The following ABTB3 variants were observed in gnomAD, a reference collection of about 807,000 sequenced individuals.
ABTB3 encodes ankyrin repeat and BTB domain containing 3, also known as ankyrin repeat- and BTB/POZ domain-containing protein 3.
the ABTB3 span, among the ~76,000 whole-genome samples, chr12:107,499,669 C>T: frequency 6.7e-6 from 1 of 149,456 alleles, no homozygotes; most frequent in African/African-American, 2.5e-5. Context: ...GGCAGGGGGA[C>T]TGCCAGACAC....
At chr12:107,573,421 T>G in the ABTB3 span, among the ~76,000 whole-genome samples, 1 of 151,336 alleles carries the variant, frequency 6.6e-6, no homozygotes, top group Non-Finnish European at 1.5e-5. Flanking sequence ...TGGATGGATG[T>G]GTGGGTGGAT....
At chr12:107,399,628 G>A in the ABTB3 span, among the ~76,000 whole-genome samples, 6,556 of 152,206 alleles carry the variant, frequency 0.043, 228 homozygotes, top group African/African-American at 0.095. Context: ...TAGCAGCTAC[G>A]ATTCTGTGTC....
chr12:107,511,353 A>G, the ABTB3 span, among the ~76,000 whole-genome samples: 7 of 152,232 alleles, frequency 4.6e-5, no homozygotes, highest in Admixed American at 2.0e-4. Flanking sequence ...GGCTTAAAAC[A>G]TCAACCATTT....
the ABTB3 span, among the ~76,000 whole-genome samples, chr12:107,445,897 TC>T: frequency 2.7e-5 from 2 of 73,878 alleles, no homozygotes; most frequent in East Asian, 4.9e-4. Flanking sequence ...CTCTCCCCTC[TC>T]CCCTCTCCCT....
the ABTB3 span, among the ~76,000 whole-genome samples, chr12:107,380,218 C>T: frequency 6.6e-6 from 1 of 152,084 alleles, no homozygotes; most frequent in East Asian, 1.9e-4. Flanking sequence ...GTTTTATCAC[C>T]GAAGATTATG....
At chr12:107,599,550 C>T in the ABTB3 span, among the ~76,000 whole-genome samples, 2 of 152,332 alleles carry the variant, frequency 1.3e-5, no homozygotes, top group Middle Eastern at 3.4e-3. Flanking sequence ...AGGCTGGCGA[C>T]TTGGTCCTTA....
chr12:107,473,112 T>C, the ABTB3 span, among the ~76,000 whole-genome samples: 1 of 152,310 alleles, frequency 6.6e-6, no homozygotes, highest in African/African-American at 2.4e-5. Flanking sequence ...TTTGCACCTT[T>C]TTCTCTTTTC....
chr12:107,547,722 G>T, the ABTB3 span, among the ~76,000 whole-genome samples: 2 of 152,154 alleles, frequency 1.3e-5, no homozygotes, highest in African/African-American at 2.4e-5. Flanking sequence ...CTTTAAATTT[G>T]AATCCCAGCT....
chr12:107,545,210 T>C, the ABTB3 span, among the ~76,000 whole-genome samples: 6 of 152,160 alleles, frequency 3.9e-5, no homozygotes, highest in Admixed American at 6.5e-5. Flanking sequence ...ACATAGGCTA[T>C]ACGGAGGTTG....
the ABTB3 span, among the ~76,000 whole-genome samples, chr12:107,652,205 G>A: frequency 5.3e-5 from 8 of 152,276 alleles, no homozygotes; most frequent in South Asian, 1.2e-3. Context: ...GGAACTTGTC[G>A]GAAAGGTACA....
chr12:107,419,624 C>T, the ABTB3 span, among the ~76,000 whole-genome samples: 1 of 152,172 alleles, frequency 6.6e-6, no homozygotes, highest in Non-Finnish European at 1.5e-5. Context: ...TGCTTAACCC[C>T]TCTGTGCCTT....
the ABTB3 span, among the ~76,000 whole-genome samples, chr12:107,529,331 G>A: frequency 2.1e-4 from 31 of 150,614 alleles, no homozygotes; most frequent in South Asian, 4.2e-4. Context: ...TGGTGATGGC[G>A]ATAATGATGG....
chr12:107,455,436 ATT>A, the ABTB3 span, among the ~76,000 whole-genome samples: 1 of 142,324 alleles, frequency 7.0e-6, no homozygotes. Flanking sequence ...TTGTGATGGG[ATT>A]TTTTTTTTTT....
At chr12:107,592,882 T>A in the ABTB3 span, among the ~76,000 whole-genome samples, 1 of 152,332 alleles carries the variant, frequency 6.6e-6, no homozygotes, top group African/African-American at 2.4e-5. Context: ...AGGTGGTCAT[T>A]ATATTACTCT....
At chr12:107,585,913 C>G in the ABTB3 span, among the ~76,000 whole-genome samples, 1 of 152,178 alleles carries the variant, frequency 6.6e-6, no homozygotes, top group African/African-American at 2.4e-5. Context: ...TATCCATTCC[C>G]TCCTGAGATC....
chr12:107,432,496 C>G, the ABTB3 span, among the ~76,000 whole-genome samples: 1 of 152,196 alleles, frequency 6.6e-6, no homozygotes, highest in Non-Finnish European at 1.5e-5. Flanking sequence ...GTGTTTAGAG[C>G]TGGTTCCCAG....
the ABTB3 span, among the ~76,000 whole-genome samples, chr12:107,370,383 C>G: frequency 6.6e-6 from 1 of 152,206 alleles, no homozygotes; most frequent in Non-Finnish European, 1.5e-5. Context: ...TTCTCTTCTT[C>G]CAAAGTCAGC....
chr12:107,430,136 TC>T, the ABTB3 span, among the ~76,000 whole-genome samples: 1 of 152,358 alleles, frequency 6.6e-6, no homozygotes. Flanking sequence ...TATCATGACC[TC>T]TTTCTTGCAA....
At chr12:107,518,091 C>A in the ABTB3 span, among the ~76,000 whole-genome samples, 2 of 152,150 alleles carry the variant, frequency 1.3e-5, no homozygotes, top group East Asian at 3.8e-4. Flanking sequence ...GAATGGCGAT[C>A]ATTAAAAAGT....
Sources: allele counts gnomAD v4.1 joint callset (sites outside exome capture counted in the v4.1 genomes callset), GRCh38; gene constraint gnomAD v4.1.1; transcripts MANE v1.5; gene names NCBI Gene and HGNC (gene_info 2026-07-23, HGNC 2026-07-21).